The following XPR1 variants were observed in gnomAD, a reference collection of about 807,000 sequenced individuals.
The protein encoded by XPR1 is solute carrier family 53 member 1.
XPR1 carries 28 observed loss-of-function variants against 87.5 expected under a neutral mutation model. That is an observed-to-expected ratio of 0.32 (90% CI 0.24 to 0.44). XPR1 has a LOEUF of 0.44. XPR1 is among the 20% of genes least tolerant of loss of function. XPR1 has a pLI of 1.00. For missense variants in XPR1, 559 were observed against 862.3 expected, an observed-to-expected ratio of 0.65 and a Z score of 4.41; for synonymous variants, 300 against 306.1, an observed-to-expected ratio of 0.98 and a Z score of 0.21.
intron 1 of XPR1, among the ~76,000 whole-genome samples, chr1:180,649,448 AAAAC>A (rs1655224506): frequency 1.3e-5 from 2 of 152,214 alleles, no homozygotes; most frequent in African/African-American, 4.8e-5. Flanking sequence ...AACAAAAACA[AAAAC>A]AAAGAATTAA....
chr1:180,709,911 T>A lies in XPR1; in HGVS notation c.121+27500T>A, dbSNP rs28749898. Among the ~76,000 whole-genome samples the A allele has an allele frequency of 1.8e-4, 28 of 151,824 alleles. No individual in the cohort carries two copies. The South Asian group carries it at 1.9e-3, about 10-fold the overall frequency. ...GGGTTTTTTTTTTTTTTAATTTTTTTATTTTTATTTTCGAGATGGAGTTTT... is the reference window on the plus strand; with the variant it reads ...GGGTTTTTTTTTTTTTTAATTTTTTAATTTTTATTTTCGAGATGGAGTTTT... On this transcript the variant is annotated intron_variant, in intron 2 of 14. Transcript: ENST00000367590.
At chr1:180,849,025 T>G (rs1480578366) in intron 11 of XPR1, among the ~76,000 whole-genome samples, 2 of 152,184 alleles carry the variant, frequency 1.3e-5, no homozygotes, top group Non-Finnish European at 2.9e-5. Flanking sequence ...TTCCTAAGTA[T>G]AGCAAAATAC....
chr1:180,708,728 A>G (rs1486039672), intron 2 of XPR1, among the ~76,000 whole-genome samples: 1 of 152,122 alleles, frequency 6.6e-6, no homozygotes, highest in Admixed American at 6.5e-5. Context: ...TGCAACTAAA[A>G]ATTTCAAACT....
chr1:180,849,182 T>C (rs1470870726), intron 11 of XPR1, among the ~76,000 whole-genome samples: 1 of 152,212 alleles, frequency 6.6e-6, no homozygotes, highest in East Asian at 1.9e-4. Flanking sequence ...CTGATAGAGC[T>C]ATTTGCAAAT....
chr1:180,648,951 A>T (rs1351568010), intron 1 of XPR1, among the ~76,000 whole-genome samples: 1 of 152,152 alleles, frequency 6.6e-6, no homozygotes, highest in Non-Finnish European at 1.5e-5. Context: ...TAGTTTATGT[A>T]TGTATTTTTT....
chr1:180,877,601 T>C (rs1199688233), intron 13 of XPR1, among the ~76,000 whole-genome samples: 3 of 152,206 alleles, frequency 2.0e-5, no homozygotes, highest in Admixed American at 6.5e-5. Flanking sequence ...GAAAGAACCC[T>C]AAAGGTGGTT....
intron 11 of XPR1, among the ~76,000 whole-genome samples, chr1:180,842,639 G>A (rs571015883): frequency 1.4e-4 from 21 of 152,242 alleles, no homozygotes; most frequent in Admixed American, 5.2e-4. Context: ...AGGCACAAAC[G>A]TGTTTTAAAT....
chr1:180,761,391 C>T (rs562258235), intron 2 of XPR1, among the ~76,000 whole-genome samples: 33 of 152,264 alleles, frequency 2.2e-4, no homozygotes, highest in African/African-American at 7.9e-4. Flanking sequence ...GGCTAATATC[C>T]AGAATCTACG....
At chr1:180,878,692 C>T (rs1435983862) in intron 13 of XPR1, among the ~76,000 whole-genome samples, 5 of 152,172 alleles carry the variant, frequency 3.3e-5, no homozygotes, top group South Asian at 2.1e-4. Context: ...GCTTTTAGAT[C>T]GTACTGCCCA....
intron 2 of XPR1, among the ~76,000 whole-genome samples, chr1:180,740,598 G>T (rs1221599172): frequency 6.6e-6 from 1 of 152,044 alleles, no homozygotes; most frequent in African/African-American, 2.4e-5. Context: ...CTCTTTATAA[G>T]GGATATTGGT....
chr1:180,751,117 C>T (rs1196308450), intron 2 of XPR1, among the ~76,000 whole-genome samples: 1 of 151,914 alleles, frequency 6.6e-6, no homozygotes, highest in Non-Finnish European at 1.5e-5. Flanking sequence ...AACCTGAAAC[C>T]TAGTTAAATT....
intron 1 of XPR1, among the ~76,000 whole-genome samples, chr1:180,659,893 G>A (rs1655706591): frequency 6.6e-6 from 1 of 152,062 alleles, no homozygotes; most frequent in Non-Finnish European, 1.5e-5. Flanking sequence ...ATGAGTTTTG[G>A]AAGTATTCCC....
intron 2 of XPR1, among the ~76,000 whole-genome samples, chr1:180,726,947 T>C (rs1176165568): frequency 6.6e-6 from 1 of 151,870 alleles, no homozygotes; most frequent in Non-Finnish European, 1.5e-5. Context: ...CGTTGTCGGC[T>C]CACTGCAAGC....
intron 7 of XPR1, among the ~76,000 whole-genome samples, chr1:180,817,883 A>G (rs1032655208): frequency 6.6e-6 from 1 of 152,154 alleles, no homozygotes; most frequent in Non-Finnish European, 1.5e-5. Context: ...ATCATGTTGT[A>G]TACTTATGAT....
In XPR1 at chr1:180,884,085, T is replaced by A; in HGVS notation, c.*19T>A. 1 of 1,612,622 alleles carries A rather than the reference T, an allele frequency of 6.2e-7. No individual in the cohort carries two copies. Among genetic ancestry groups the A allele is most frequent in the Non-Finnish European group, 8.5e-7 (1 of 1,178,836 alleles). ...CACTTGAATTTTCTGAAGTCTAGCT[T>A]AACATCTTTGGTTTTCCTACTCTAC... On this transcript the variant is annotated 3_prime_UTR_variant, in exon 15 of 15. Coordinates refer to ENST00000367590, the MANE Select transcript of XPR1 (RefSeq NM_004736.4).
At chr1:180,664,652 G>A (rs927824904) in intron 1 of XPR1, among the ~76,000 whole-genome samples, 1 of 152,204 alleles carries the variant, frequency 6.6e-6, no homozygotes, top group Non-Finnish European at 1.5e-5. Flanking sequence ...CCTGGCTGCT[G>A]TCTTACTAGG....
chr1:180,703,466 A>T (rs1348540726), intron 2 of XPR1, among the ~76,000 whole-genome samples: 4 of 152,120 alleles, frequency 2.6e-5, no homozygotes, highest in South Asian at 2.1e-4. Context: ...TGATGTGCGC[A>T]GGTGTTGGCC....
At chr1:180,702,143 T>C (rs1315801700) in intron 2 of XPR1, among the ~76,000 whole-genome samples, 4 of 77,776 alleles carry the variant, frequency 5.1e-5, no homozygotes, top group Non-Finnish European at 9.7e-5. Flanking sequence ...GGTGTCTTTG[T>C]TCTCGTTGGT....
At chr1:180,857,939 G>A (rs1018890756) in intron 11 of XPR1, among the ~76,000 whole-genome samples, 2 of 152,126 alleles carry the variant, frequency 1.3e-5, no homozygotes, top group African/African-American at 2.4e-5. Context: ...TATAGTGGCC[G>A]GGTGTGGTGG....
Sources: gnomAD v4.1 joint callset for allele counts (sites outside exome capture counted in the v4.1 genomes callset) on GRCh38, gnomAD v4.1.1 for gene constraint, MANE v1.5 for transcripts, NCBI Gene and HGNC (gene_info 2026-07-23, HGNC 2026-07-21) for gene names.